Variants in MTUS1 observed in about 807,000 individuals in gnomAD.
MTUS1 encodes microtubule-associated tumor suppressor 1.
A neutral mutation model predicts 120.8 loss-of-function variants in MTUS1; 109 were observed. That is an observed-to-expected ratio of 0.90 (90% CI 0.77 to 1.06). MTUS1 has a LOEUF of 1.06. Ranked by LOEUF, MTUS1 falls within the 50% of genes least tolerant of loss-of-function variation. The pLI is 0.00. For synonymous variants in MTUS1, 737 were observed against 550.5 expected (o/e 1.34, Z -4.74); for missense variants, 2,210 against 1,486.3 (o/e 1.49, Z -8.01).
chr8:17,746,958 CT>C (rs1413352232), intron 2 of MTUS1, among the ~76,000 whole-genome samples: 2 of 152,278 alleles, frequency 1.3e-5, no homozygotes, highest in East Asian at 3.9e-4. Flanking sequence ...ACAATGAAAG[CT>C]GTTTCTCTTT....
Position 17,697,707 on chromosome 8 carries a change from T to C in MTUS1, c.2624-13165A>G, listed in dbSNP as rs938585077. 18 of 1,007,076 alleles carry C rather than the reference T, an allele frequency of 1.8e-5. No homozygotes were observed. In the South Asian group the frequency reaches 6.9e-4, roughly 39 times the overall value. 62.4% of individuals were successfully genotyped at this position (1,007,076 alleles called of 1,614,324 possible). A position where few individuals can be genotyped will look rare whatever the true frequency, so the allele number is the denominator to read the frequency against. On this transcript the variant is annotated intron_variant, in intron 6 of 14. Coordinates refer to ENST00000693296, the MANE Select transcript of MTUS1 (RefSeq NM_001363059.2). ...GAGTTGTTATGGTTTTCATCCGAGA[T>C]GGTAAAGGGGAGGAGAAAGTGGGTG...
intron 6 of MTUS1, among the ~76,000 whole-genome samples, chr8:17,690,316 A>C (rs1816700648): frequency 6.6e-6 from 1 of 152,218 alleles, no homozygotes. Context: ...GAGAAATGCA[A>C]ATGAAAACCA....
At chr8:17,662,418 C>G (rs1243563238) in intron 8 of MTUS1, among the ~76,000 whole-genome samples, 1 of 143,252 alleles carries the variant, frequency 7.0e-6, no homozygotes, top group Admixed American at 7.2e-5. Flanking sequence ...TGCAGTGGCA[C>G]GATCTCGGCT....
At chr8:17,684,793 T>C (rs1175630761) in intron 6 of MTUS1, among the ~76,000 whole-genome samples, 1 of 152,170 alleles carries the variant, frequency 6.6e-6, no homozygotes, top group East Asian at 1.9e-4. Flanking sequence ...ATGACACAAA[T>C]GGATTTGGCA....
At chr8:17,799,383 A>C (rs1247862649) in intron 1 of MTUS1, among the ~76,000 whole-genome samples, 1 of 152,184 alleles carries the variant, frequency 6.6e-6, no homozygotes, top group Non-Finnish European at 1.5e-5. Flanking sequence ...TCCACGCAAT[A>C]GTATATTTAG....
chr8:17,683,078 C>T (rs891824973), intron 7 of MTUS1, among the ~76,000 whole-genome samples: 10 of 152,170 alleles, frequency 6.6e-5, no homozygotes, highest in Admixed American at 1.3e-4. Flanking sequence ...CGAGACCATC[C>T]TGCCTAACAC....
chr8:17,721,310 C>G (rs2937887), intron 4 of MTUS1, among the ~76,000 whole-genome samples: 121,168 of 152,210 alleles, frequency 0.8, 48,421 homozygotes, highest in Middle Eastern at 0.89. Flanking sequence ...TTAATACTTT[C>G]AGTTACAACT....
At chr8:17,705,765 T>C (rs1262213573) in intron 6 of MTUS1, 1 of 152,238 alleles carries the variant, frequency 6.6e-6, no homozygotes. Flanking sequence ...ATGTCTTTAC[T>C]AAGTAACTGC....
At chr8:17,696,714 T>C (rs1050293834) in intron 6 of MTUS1, among the ~76,000 whole-genome samples, 3 of 152,190 alleles carry the variant, frequency 2.0e-5, no homozygotes, top group Admixed American at 2.0e-4. Context: ...CACACTTTTA[T>C]TATGAAGATT....
At chr8:17,654,430 C>G in intron 10 of MTUS1, 131 bp downstream of exon 10, 1 of 656,960 alleles carries the variant, frequency 1.5e-6, no homozygotes, top group East Asian at 2.7e-5. Context: ...CAAAAAGGAA[C>G]CAAGAACACC....
At position 17,787,886 on chromosome 8, in the gene MTUS1, C is replaced by T. The variant is rs111241026; in HGVS notation, c.-155+13175G>A. Among the ~76,000 whole-genome samples the T allele has an allele frequency of 9.8e-5, 15 of 152,304 alleles. 1 individual carries two copies. Among genetic ancestry groups the T allele is most frequent in the African/African-American group, 3.1e-4 (13 of 41,576 alleles). ...CTGTAATCCCAGCACTTCGGGAGGCCGAGGCAGGCGGATCACCTGAGTAAG... is the reference window on the plus strand; with the variant it reads ...CTGTAATCCCAGCACTTCGGGAGGCTGAGGCAGGCGGATCACCTGAGTAAG... On this transcript the variant is annotated intron_variant, in intron 1 of 14. Transcript: ENST00000693296.
At chr8:17,649,577 T>C (rs910896166) in intron 13 of MTUS1, among the ~76,000 whole-genome samples, 3 of 152,192 alleles carry the variant, frequency 2.0e-5, no homozygotes, top group African/African-American at 7.2e-5. Flanking sequence ...AGATCCAAAA[T>C]ACCACTGAAA....
In MTUS1 at chr8:17,674,393, C is replaced by A. The variant is rs768028456; in HGVS notation, c.2905+793G>T. The A allele has an allele frequency of 3.2e-5, 28 of 884,802 alleles. No individual in the cohort carries two copies. The East Asian group carries it at 1.9e-3, about 61-fold the overall frequency. 54.8% of individuals were successfully genotyped at this position (884,802 alleles called of 1,614,324 possible). A position where few individuals can be genotyped will look rare whatever the true frequency, so the allele number is the denominator to read the frequency against. On this transcript the variant is annotated intron_variant, in intron 8 of 14. Transcript: ENST00000693296. The stretch of plus-strand genomic sequence containing the variant: ...CGAGATCGCACCACTGCACTCCAGT[C>A]TGGTGACAGAGCAAGATTCCGTCTC...
intron 7 of MTUS1, among the ~76,000 whole-genome samples, chr8:17,678,748 C>CAAAAA (rs35213322): frequency 7.5e-6 from 1 of 133,052 alleles, no homozygotes; most frequent in Non-Finnish European, 1.6e-5. Flanking sequence ...ATTCCACTTG[C>CAAAAA]AAAAAAAAAA....
rs747392465 is a variant in MTUS1 at position 17,753,693 on chromosome 8, A to T, written c.2091+24T>A. 3 of 1,488,170 alleles carry T rather than the reference A, an allele frequency of 2.0e-6. No homozygotes were observed. In the Middle Eastern group the frequency reaches 5.8e-4, roughly 287 times the overall value. 92.2% of individuals were successfully genotyped at this position (1,488,170 alleles called of 1,614,324 possible). ...TTCTCCACAGTTCTCTGAAGCATGC[A>T]AAAAATATATATATATTACTTACCA... On this transcript the variant is annotated intron_variant, in intron 2 of 14. Transcript: ENST00000693296.
At chr8:17,680,050 C>G (rs1372839669) in intron 7 of MTUS1, among the ~76,000 whole-genome samples, 1 of 151,878 alleles carries the variant, frequency 6.6e-6, no homozygotes, top group Non-Finnish European at 1.5e-5. Flanking sequence ...TCTTAAAAAG[C>G]AAAAACAAGC....
chr8:17,793,862 T>C (rs773773644), intron 1 of MTUS1, among the ~76,000 whole-genome samples: 1 of 152,230 alleles, frequency 6.6e-6, no homozygotes, highest in Non-Finnish European at 1.5e-5. Context: ...GTTAACAACC[T>C]GGGAGAATAT....
At chr8:17,795,702 C>T (rs1331446278) in intron 1 of MTUS1, among the ~76,000 whole-genome samples, 6 of 152,222 alleles carry the variant, frequency 3.9e-5, no homozygotes, top group Non-Finnish European at 7.3e-5. Context: ...GGCAGTGATG[C>T]GATCTCGGCT....
At chr8:17,721,737 C>T (rs748665040) in intron 4 of MTUS1, 5 of 1,587,592 alleles carry the variant, frequency 3.1e-6, no homozygotes, top group South Asian at 1.2e-5. Flanking sequence ...ACGTGGCTAA[C>T]AAAGGAATTA....
Sources: allele counts gnomAD v4.1 joint callset (sites outside exome capture counted in the v4.1 genomes callset), GRCh38; gene constraint gnomAD v4.1.1; transcripts MANE v1.5; gene names NCBI Gene and HGNC (gene_info 2026-07-23, HGNC 2026-07-21).